The following AP1S3 variants were observed in gnomAD, a reference collection of about 807,000 sequenced individuals.
The protein encoded by AP1S3 is adaptor related protein complex 1 subunit sigma 3, also known as AP-1 complex subunit sigma-3.
Under a neutral mutation model 20.9 loss-of-function variants are expected in AP1S3, and 10 were observed. The ratio of observed to expected loss-of-function variants is 0.48; its 90% CI spans 0.29 to 0.81. The LOEUF (loss-of-function observed/expected upper bound fraction) is 0.81. Ranked by LOEUF, AP1S3 falls within the 30% of genes least tolerant of loss-of-function variation. The pLI is 0.08. For missense variants in AP1S3, 154 were observed against 183.8 expected (o/e 0.84, Z 0.94); for synonymous variants, 41 against 61.5 (o/e 0.67, Z 1.56).
At chr2:223,829,978 C>G (rs1574734329) in intron 1 of AP1S3, among the ~76,000 whole-genome samples, 1 of 152,268 alleles carries the variant, frequency 6.6e-6, no homozygotes, top group African/African-American at 2.4e-5. Context: ...ACTATCTGGC[C>G]TTTTACGGAG....
intron 1 of AP1S3, among the ~76,000 whole-genome samples, chr2:223,795,269 T>A (rs758111646): frequency 1.9e-4 from 29 of 152,182 alleles, no homozygotes; most frequent in African/African-American, 6.5e-4. Context: ...AAAAAAATTT[T>A]AAAAATTTAT....
At chr2:223,806,879 G>GT (rs201840676) in intron 1 of AP1S3, among the ~76,000 whole-genome samples, 2,148 of 152,014 alleles carry the variant, frequency 0.014, 40 homozygotes, top group African/African-American at 0.049. Context: ...ATTTCAGGTG[G>GT]TTTTTTCTAC....
rs1402167572 is a variant in AP1S3 at position 223,834,432 on chromosome 2, A to G, written c.3+3016T>C. On this transcript the variant is annotated intron_variant, in intron 1 of 4. Transcript: ENST00000396654. Reference sequence around the variant, plus strand: ...AAAGTAAGACCTCATTTATACAAAAATCAAAAAATTACCTGGGCATGATGG... The same window carrying G: ...AAAGTAAGACCTCATTTATACAAAAGTCAAAAAATTACCTGGGCATGATGG... 5.3e-5 allele frequency among the ~76,000 whole-genome samples: 8 copies of G among 152,100 alleles called. No individual in the cohort carries two copies. The South Asian group carries it at 1.2e-3, about 24-fold the overall frequency.
At chr2:223,824,967 G>A (rs778093186) in intron 1 of AP1S3, among the ~76,000 whole-genome samples, 3 of 152,050 alleles carry the variant, frequency 2.0e-5, no homozygotes, top group African/African-American at 7.2e-5. Context: ...GGGATTACCC[G>A]GAGGGGCAGA....
chr2:223,765,228 A>T lies in AP1S3; in HGVS notation c.414T>A (p.Ser138=). 6.2e-7 allele frequency: 1 copy of T among 1,614,052 alleles called. No homozygotes were observed. Among genetic ancestry groups the T allele is most frequent in the African/African-American group, 1.3e-5 (1 of 75,012 alleles). ...KKIAVKAIED[S]DMLQETMEEY... ...CCGTACTGACCTCCTGTAACATATC[A>T]GAGTCTTCAATGGCTTTGACAGCAA... The change falls in exon 4 of 5, where the codon TCT becomes TCA. Residue 138 remains serine (S), a synonymous_variant. Transcript: ENST00000396654.
chr2:223,810,875 T>C (rs951730091), intron 1 of AP1S3, among the ~76,000 whole-genome samples: 2 of 152,180 alleles, frequency 1.3e-5, no homozygotes, highest in African/African-American at 4.8e-5. Flanking sequence ...TACAGACTCA[T>C]TTACTGTAAC....
chr2:223,837,238 C>G (rs1326308130), intron 1 of AP1S3, among the ~76,000 whole-genome samples: 2 of 151,636 alleles, frequency 1.3e-5, no homozygotes, highest in African/African-American at 4.8e-5. Context: ...GCCGCGGCGC[C>G]GCGTTGCCGC....
chr2:223,800,077 T>C (rs896193046), intron 1 of AP1S3, among the ~76,000 whole-genome samples: 3 of 150,672 alleles, frequency 2.0e-5, no homozygotes, highest in Admixed American at 1.3e-4. Context: ...TAGCCAGGCA[T>C]GGTGGCACAC....
chr2:223,833,684 A>C (rs1293143398), intron 1 of AP1S3, among the ~76,000 whole-genome samples: 1 of 152,208 alleles, frequency 6.6e-6, no homozygotes, highest in East Asian at 1.9e-4. Flanking sequence ...GCCTCAACAA[A>C]GGTCTCAGAG....
chr2:223,771,456 AC>A, intron 3 of AP1S3, among the ~76,000 whole-genome samples: 1 of 152,306 alleles, frequency 6.6e-6, no homozygotes, highest in African/African-American at 2.4e-5. Context: ...TTATGCAAAT[AC>A]CCCGGCTTCT....
intron 1 of AP1S3, among the ~76,000 whole-genome samples, chr2:223,833,966 T>C (rs1448549204): frequency 6.6e-6 from 1 of 152,082 alleles, no homozygotes; most frequent in South Asian, 2.1e-4. Context: ...TGGAGTGCAA[T>C]GGCACGATCT....
At chr2:223,790,518 G>A (rs1691192734) in intron 1 of AP1S3, among the ~76,000 whole-genome samples, 1 of 152,102 alleles carries the variant, frequency 6.6e-6, no homozygotes, top group African/African-American at 2.4e-5. Flanking sequence ...ACAGGCGTGA[G>A]CCACTGCGCC....
intron 1 of AP1S3, among the ~76,000 whole-genome samples, chr2:223,778,101 GTTTT>G (rs963644264): frequency 1.3e-5 from 2 of 150,252 alleles, no homozygotes; most frequent in Non-Finnish European, 3.0e-5. Context: ...AGAAAAATAA[GTTTT>G]TTTTTGTTTT....
At chr2:223,798,790 AG>A (rs1691403939) in intron 1 of AP1S3, among the ~76,000 whole-genome samples, 1 of 152,156 alleles carries the variant, frequency 6.6e-6, no homozygotes, top group Non-Finnish European at 1.5e-5. Flanking sequence ...TAGATGTTGC[AG>A]CTGGGTGCAG....
chr2:223,819,161 C>T (rs1250931278), intron 1 of AP1S3, among the ~76,000 whole-genome samples: 1 of 152,138 alleles, frequency 6.6e-6, no homozygotes, highest in Non-Finnish European at 1.5e-5. Flanking sequence ...GAAAGTAGTA[C>T]AGTGAGTGCC....
chr2:223,799,284 G>T (rs1383810713), intron 1 of AP1S3, among the ~76,000 whole-genome samples: 1 of 151,116 alleles, frequency 6.6e-6, no homozygotes, highest in African/African-American at 2.4e-5. Context: ...AGAGATTGGG[G>T]TAATGCAACT....
chr2:223,823,141 G>T (rs1692031012), intron 1 of AP1S3, among the ~76,000 whole-genome samples: 1 of 152,164 alleles, frequency 6.6e-6, no homozygotes, highest in Admixed American at 6.6e-5. Context: ...CTGTTGGTGG[G>T]AATGTAAATT....
intron 1 of AP1S3, among the ~76,000 whole-genome samples, chr2:223,833,894 ATT>A (rs1343686197): frequency 2.9e-4 from 43 of 150,394 alleles, no homozygotes; most frequent in African/African-American, 1.0e-3. Context: ...TTATTTATTT[ATT>A]TATTTATTTA....
intron 1 of AP1S3, among the ~76,000 whole-genome samples, chr2:223,816,710 G>A (rs1691851669): frequency 6.6e-6 from 1 of 152,098 alleles, no homozygotes; most frequent in African/African-American, 2.4e-5. Context: ...AGTGTCAGTG[G>A]GACTGCTGTT....
Sources: allele counts gnomAD v4.1 joint callset (sites outside exome capture counted in the v4.1 genomes callset), GRCh38; gene constraint gnomAD v4.1.1; transcripts MANE v1.5; gene names NCBI Gene and HGNC (gene_info 2026-07-23, HGNC 2026-07-21).